SRGAP3: variants seen among roughly 807,000 people sequenced by gnomAD.
SRGAP3 encodes the protein SLIT-ROBO Rho GTPase-activating protein 3.
In SRGAP3, 39 loss-of-function variants were observed where a neutral mutation model predicts 121.1. The ratio of observed to expected loss-of-function variants is 0.32; its 90% CI spans 0.25 to 0.42. SRGAP3 has a LOEUF of 0.42. SRGAP3 is among the 10% of genes least tolerant of loss of function. The probability of loss-of-function intolerance (pLI) is 1.00; values close to 1 mark genes in which losing one functional copy is unlikely to be tolerated. For missense variants in SRGAP3, 1,213 were observed against 1,470.6 expected (o/e 0.82, Z 2.86); for synonymous variants, 601 against 570.0 (o/e 1.05, Z -0.77).
chr3:9,230,062 C>T (rs1953141433), intron 1 of SRGAP3, among the ~76,000 whole-genome samples: 1 of 152,134 alleles, frequency 6.6e-6, no homozygotes, highest in Non-Finnish European at 1.5e-5. Context: ...GAATTTAAAC[C>T]CAGACTCCAG....
chr3:9,349,076 A>G, intron 1 of SRGAP3: 1 of 945,396 alleles, frequency 1.1e-6, no homozygotes, highest in South Asian at 1.3e-5. Context: ...GCCCACTGGT[A>G]TTCCCGTTGT....
At chr3:9,059,991 C>G in intron 6 of SRGAP3, 2 of 558,564 alleles carry the variant, frequency 3.6e-6, no homozygotes, top group South Asian at 1.9e-5. Context: ...TACAACTGCC[C>G]AAGCCAACTG....
intron 1 of SRGAP3, 21 bp from the exon 2 acceptor site, chr3:9,124,938 G>A (rs919738612): frequency 6.2e-7 from 1 of 1,613,634 alleles, no homozygotes; most frequent in South Asian, 1.1e-5. Flanking sequence ...ACAAGGGTAG[G>A]AGCATGAGAC....
chr3:9,242,549 T>C (rs1457800865), intron 1 of SRGAP3, among the ~76,000 whole-genome samples: 2 of 152,102 alleles, frequency 1.3e-5, no homozygotes, highest in Non-Finnish European at 2.9e-5. Flanking sequence ...GCGGGAGAAT[T>C]GCTTGAACCC....
intron 1 of SRGAP3, chr3:9,235,420 AG>A (rs1395096300): frequency 1.3e-5 from 2 of 151,880 alleles, no homozygotes; most frequent in African/African-American, 4.8e-5. Flanking sequence ...TCCTTAAAGG[AG>A]TCAAATTCAC....
chr3:9,047,412 G>A lies in SRGAP3; in HGVS notation c.1387C>T (p.Leu463Phe). ...ITKLQAKHDLLKQTLGEGERA... is the reference protein window; with the variant it reads ...ITKLQAKHDLFKQTLGEGERA... ...TCACCTTCGCCCAGGGTCTGCTTGA[G>A]TAAATCGTGCTTGGCCTGCAGCTTG... The change falls in exon 10 of 22, where the codon CTC (leucine) becomes TTC (phenylalanine). Residue 463 changes from leucine (L) to phenylalanine (F), a missense_variant. Coordinates refer to ENST00000383836, the MANE Select transcript of SRGAP3 (RefSeq NM_014850.4). 6.2e-7 allele frequency: 1 copy of A among 1,614,170 alleles called. No homozygotes were observed. The highest frequency in any genetic ancestry group is 8.5e-7 in the Non-Finnish European group (1 of 1,180,028).
At chr3:9,361,537 C>T (rs1464724605) in intron 1 of SRGAP3, among the ~76,000 whole-genome samples, 1 of 152,112 alleles carries the variant, frequency 6.6e-6, no homozygotes, top group Non-Finnish European at 1.5e-5. Flanking sequence ...ATTCTATGCC[C>T]CCCAACTGAC....
At chr3:9,060,019 G>T in intron 6 of SRGAP3, 2 of 701,654 alleles carry the variant, frequency 2.9e-6, no homozygotes, top group Non-Finnish European at 4.7e-6. Context: ...GCCACCAGAG[G>T]CCCATGTCCC....
At chr3:9,152,649 G>A (rs1950252716) in intron 1 of SRGAP3, among the ~76,000 whole-genome samples, 1 of 152,190 alleles carries the variant, frequency 6.6e-6, no homozygotes, top group African/African-American at 2.4e-5. Flanking sequence ...CAAGCTTCCA[G>A]TTCCATCACC....
intron 4 of SRGAP3, among the ~76,000 whole-genome samples, chr3:9,067,901 A>G (rs527893626): frequency 5.3e-5 from 8 of 152,278 alleles, no homozygotes; most frequent in Admixed American, 2.6e-4. Flanking sequence ...GGTTTCTAGG[A>G]GTTTTAGGGA....
intron 6 of SRGAP3, chr3:9,059,144 C>T (rs982230332): frequency 6.6e-6 from 1 of 152,644 alleles, no homozygotes; most frequent in African/African-American, 2.4e-5. Flanking sequence ...AGGTGATCCT[C>T]CTCCAGGGGT....
intron 18 of SRGAP3, among the ~76,000 whole-genome samples, chr3:9,003,897 C>T (rs149164935): frequency 2.0e-4 from 30 of 151,872 alleles, no homozygotes; most frequent in African/African-American, 7.2e-4. Context: ...TCTAGCTGGG[C>T]CAATTGGGCA....
At chr3:8,988,372 TCA>T (rs1246196098) in intron 21 of SRGAP3, among the ~76,000 whole-genome samples, 1 of 152,170 alleles carries the variant, frequency 6.6e-6, no homozygotes, top group East Asian at 1.9e-4. Flanking sequence ...GCCTGCAAAG[TCA>T]AGGGCTCATC....
intron 2 of SRGAP3, among the ~76,000 whole-genome samples, chr3:9,328,431 CA>C (rs1276301842): frequency 6.6e-6 from 1 of 152,158 alleles, no homozygotes; most frequent in Non-Finnish European, 1.5e-5. Flanking sequence ...CTGTTTTTCC[CA>C]AGGAGTCCAG....
chr3:9,027,473 A>G (rs1944274854), intron 12 of SRGAP3, among the ~76,000 whole-genome samples: 1 of 152,222 alleles, frequency 6.6e-6, no homozygotes, highest in Non-Finnish European at 1.5e-5. Context: ...CCCCTGGTGG[A>G]AATTTTGAGC....
chr3:9,026,432 A>G (rs1366878152), intron 13 of SRGAP3, among the ~76,000 whole-genome samples: 1 of 152,144 alleles, frequency 6.6e-6, no homozygotes, highest in Non-Finnish European at 1.5e-5. Context: ...CAATAAATAT[A>G]GTTTTGGAGG....
rs930025377 is a variant in SRGAP3, at chr3:8,981,764, T to C, written c.*3755A>G. 33 of 229,510 alleles carry C rather than the reference T, an allele frequency of 1.4e-4. No individual in the cohort carries two copies. The highest frequency in any genetic ancestry group is 5.1e-4 in the African/African-American group (23 of 45,108). The allele number at this position is 229,510 out of a possible 1,614,324, so 14.2% of individuals were successfully genotyped here. On this transcript the variant is annotated 3_prime_UTR_variant, in exon 22 of 22. Transcript: ENST00000383836. The stretch of plus-strand genomic sequence containing the variant: ...GCCGATAGCCAAAATATGGCTCAAT[T>C]TCCCTGTGTCTCTTCCCACTCCGAT...
intron 1 of SRGAP3, among the ~76,000 whole-genome samples, chr3:9,187,749 T>C (rs1154386): frequency 0.48 from 73,491 of 151,926 alleles, 18,070 homozygotes; most frequent in African/African-American, 0.55. Flanking sequence ...CACCAGGGTC[T>C]TACCCTCAGG....
chr3:9,335,145 C>T (rs751223440), intron 1 of SRGAP3, among the ~76,000 whole-genome samples: 6 of 152,142 alleles, frequency 3.9e-5, no homozygotes, highest in Non-Finnish European at 7.3e-5. Flanking sequence ...AGTTTTTCTG[C>T]TGGTTTTGCC....
Sources: gnomAD v4.1 joint callset for allele counts (sites outside exome capture counted in the v4.1 genomes callset) on GRCh38, gnomAD v4.1.1 for gene constraint, MANE v1.5 for transcripts, NCBI Gene and HGNC (gene_info 2026-07-23, HGNC 2026-07-21) for gene names.